The following THSD7B variants were observed in gnomAD, a reference collection of about 807,000 sequenced individuals.
THSD7B encodes thrombospondin type 1 domain containing 7B.
Under a neutral mutation model 213.6 loss-of-function variants are expected in THSD7B, and 138 were observed. The observed-to-expected ratio is 0.65, with a 90% CI of 0.56 to 0.74. The LOEUF is 0.74. THSD7B is among the 30% of genes least tolerant of loss of function. The pLI, the probability that THSD7B is intolerant of heterozygous loss-of-function variation, is 0.00. For synonymous variants in THSD7B, 742 were observed against 687.0 expected, an observed-to-expected ratio of 1.08 and a Z score of -1.25; for missense variants, 1,931 against 1,991.5, an observed-to-expected ratio of 0.97 and a Z score of 0.58.
chr2:136,895,138 T>C (rs1279955711), intron 2 of THSD7B, among the ~76,000 whole-genome samples: 1 of 152,172 alleles, frequency 6.6e-6, no homozygotes, highest in East Asian at 1.9e-4. Flanking sequence ...TATTTGGTAA[T>C]GAGTTCAAAA....
At chr2:137,331,643 C>G (rs915442624) in intron 12 of THSD7B, among the ~76,000 whole-genome samples, 1 of 152,142 alleles carries the variant, frequency 6.6e-6, no homozygotes, top group Non-Finnish European at 1.5e-5. Flanking sequence ...TGGGACTGGG[C>G]GCTGTGGAGC....
At chr2:137,461,869 C>T in intron 15 of THSD7B, among the ~76,000 whole-genome samples, 1 of 152,104 alleles carries the variant, frequency 6.6e-6, no homozygotes, top group Non-Finnish European at 1.5e-5. Context: ...CAGGCTGTCT[C>T]ATAAAGAGTA....
At chr2:136,808,836 G>T (rs1188418125) in intron 1 of THSD7B, among the ~76,000 whole-genome samples, 1 of 152,174 alleles carries the variant, frequency 6.6e-6, no homozygotes, top group Non-Finnish European at 1.5e-5. Flanking sequence ...CTGGAGTTTT[G>T]CCAGGTTACT....
chr2:137,094,224 C>A (rs1687999097), intron 3 of THSD7B, among the ~76,000 whole-genome samples: 1 of 152,160 alleles, frequency 6.6e-6, no homozygotes, highest in African/African-American at 2.4e-5. Flanking sequence ...ACAGTTGTGA[C>A]ACCTGAAAAC....
chr2:137,429,116 T>C (rs967312462), intron 14 of THSD7B, among the ~76,000 whole-genome samples: 1 of 152,200 alleles, frequency 6.6e-6, no homozygotes, highest in African/African-American at 2.4e-5. Context: ...AGGAATGGAC[T>C]AAGACATTTA....
At chr2:136,782,646 C>A (rs888620554) in intron 1 of THSD7B, among the ~76,000 whole-genome samples, 1 of 151,922 alleles carries the variant, frequency 6.6e-6, no homozygotes, top group African/African-American at 2.4e-5. Flanking sequence ...AGATGTTGGT[C>A]AAAGGATACA....
At chr2:137,409,366 A>G (rs1558787640) in intron 13 of THSD7B, among the ~76,000 whole-genome samples, 1 of 152,206 alleles carries the variant, frequency 6.6e-6, no homozygotes, top group Non-Finnish European at 1.5e-5. Flanking sequence ...GAAGTGATAT[A>G]CCTTTGTCAT....
At chr2:137,323,723 C>G (rs1367815505) in intron 12 of THSD7B, among the ~76,000 whole-genome samples, 1 of 152,056 alleles carries the variant, frequency 6.6e-6, no homozygotes, top group Non-Finnish European at 1.5e-5. Context: ...ACAAATTTGT[C>G]TATAAGCCAA....
At chr2:137,672,656 T>TTTA (rs369405887) in intron 27 of THSD7B, among the ~76,000 whole-genome samples, 2 of 152,346 alleles carry the variant, frequency 1.3e-5, no homozygotes, top group African/African-American at 4.8e-5. Context: ...TTTTAGAGAT[T>TTTA]TTATATTTTT....
At chr2:136,926,666 C>T (rs933877482) in intron 2 of THSD7B, among the ~76,000 whole-genome samples, 27 of 151,212 alleles carry the variant, frequency 1.8e-4, no homozygotes, top group African/African-American at 6.3e-4. Flanking sequence ...TGTACTCCAG[C>T]CTGGATGACA....
At chr2:137,159,299 G>A (rs956595095) in intron 5 of THSD7B, among the ~76,000 whole-genome samples, 3 of 151,918 alleles carry the variant, frequency 2.0e-5, no homozygotes, top group Non-Finnish European at 2.9e-5. Context: ...AGCCGATCAT[G>A]GTGACATTGC....
At chr2:137,476,992 G>A (rs1485064866) in intron 15 of THSD7B, among the ~76,000 whole-genome samples, 4 of 152,180 alleles carry the variant, frequency 2.6e-5, no homozygotes, top group Non-Finnish European at 5.9e-5. Context: ...CATTCTATAG[G>A]TGTTGGATGA....
chr2:137,430,035 G>A (rs1052815305), intron 14 of THSD7B, among the ~76,000 whole-genome samples: 4 of 152,036 alleles, frequency 2.6e-5, no homozygotes, highest in Admixed American at 6.6e-5. Flanking sequence ...TTGAGCCCAG[G>A]ATTTTGAGAC....
chr2:137,590,697 T>C (rs1183402979), intron 17 of THSD7B, among the ~76,000 whole-genome samples: 1 of 152,094 alleles, frequency 6.6e-6, no homozygotes, highest in African/African-American at 2.4e-5. Context: ...CAATGATTTA[T>C]AATTTCCTTT....
At chr2:136,973,920 AT>A (rs1377655467) in intron 2 of THSD7B, among the ~76,000 whole-genome samples, 1 of 152,210 alleles carries the variant, frequency 6.6e-6, no homozygotes, top group African/African-American at 2.4e-5. Flanking sequence ...GCGATAATGC[AT>A]TGTGTAACCT....
chr2:137,660,659 T>C (rs1308404471), intron 25 of THSD7B, among the ~76,000 whole-genome samples: 1 of 152,184 alleles, frequency 6.6e-6, no homozygotes, highest in East Asian at 1.9e-4. Flanking sequence ...CTTTTTTCCT[T>C]GAACTCTTGA....
chr2:137,553,322 ATTTG>A (rs1163177498), intron 15 of THSD7B, among the ~76,000 whole-genome samples: 1 of 152,094 alleles, frequency 6.6e-6, no homozygotes, highest in Non-Finnish European at 1.5e-5. Context: ...TTAAAGGATT[ATTTG>A]TTTTATTTGA....
chr2:137,315,599 T>G (rs1684077822), intron 12 of THSD7B, among the ~76,000 whole-genome samples: 1 of 152,168 alleles, frequency 6.6e-6, no homozygotes, highest in Admixed American at 6.5e-5. Context: ...TTTTTTTCGT[T>G]TCTAGATTTG....
At chr2:136,888,514 T>C (rs1167704286) in intron 2 of THSD7B, among the ~76,000 whole-genome samples, 1 of 152,134 alleles carries the variant, frequency 6.6e-6, no homozygotes, top group Non-Finnish European at 1.5e-5. Context: ...TTTTAAAATA[T>C]GTGCTAGAAG....
Sources: allele counts gnomAD v4.1 joint callset (sites outside exome capture counted in the v4.1 genomes callset), GRCh38; gene constraint gnomAD v4.1.1; transcripts MANE v1.5; gene names NCBI Gene and HGNC (gene_info 2026-07-23, HGNC 2026-07-21).